The following SAXO2 variants were observed in gnomAD, a reference collection of about 807,000 sequenced individuals.
SAXO2 encodes the protein family with sequence similarity 154, member B.
SAXO2 carries 17 observed loss-of-function variants against 18.7 expected under a neutral mutation model. The ratio of observed to expected loss-of-function variants is 0.91; its 90% CI spans 0.62 to 1.36. The LOEUF (loss-of-function observed/expected upper bound fraction) is 1.36. Among genes scored for constraint, SAXO2 ranks in the 40% most tolerant of loss-of-function variants. The probability of loss-of-function intolerance (pLI) is 0.00; values close to 1 mark genes in which losing one functional copy is unlikely to be tolerated. For synonymous variants in SAXO2, 163 were observed against 181.2 expected, an observed-to-expected ratio of 0.90 and a Z score of 0.81; for missense variants, 486 against 562.6, an observed-to-expected ratio of 0.86 and a Z score of 1.38.
intron 3 of SAXO2, among the ~76,000 whole-genome samples, chr15:82,275,077 G>T (rs1567092318): frequency 6.6e-6 from 1 of 151,638 alleles, no homozygotes; most frequent in Non-Finnish European, 1.5e-5. Context: ...AATCACAAAA[G>T]TGACATCACA....
At chr15:82,265,488 T>G in intron 1 of SAXO2, 81 bp from the exon 2 acceptor site, 1 of 1,068,098 alleles carries the variant, frequency 9.4e-7, no homozygotes, top group South Asian at 2.9e-5. Context: ...AAATTGTGAG[T>G]TTATTAGAGG....
chr15:82,271,191 G>T (rs1318683270), intron 2 of SAXO2, among the ~76,000 whole-genome samples: 4 of 152,208 alleles, frequency 2.6e-5, no homozygotes, highest in African/African-American at 4.8e-5. Flanking sequence ...GCTGGAGACT[G>T]TAAGTAAGAT....
At chr15:82,273,116 G>A (rs2075287024) in intron 3 of SAXO2, among the ~76,000 whole-genome samples, 1 of 152,042 alleles carries the variant, frequency 6.6e-6, no homozygotes, top group African/African-American at 2.4e-5. Context: ...ATGTTGGCCA[G>A]GCTGGTCTCA....
intron 2 of SAXO2, 57 bp from the exon 3 acceptor site, chr15:82,271,546 G>T: frequency 1.4e-6 from 2 of 1,393,516 alleles, no homozygotes; most frequent in Non-Finnish European, 9.7e-7. Flanking sequence ...ATACTTCATT[G>T]AAATAATTAG....
intron 3 of SAXO2, among the ~76,000 whole-genome samples, chr15:82,272,735 G>C (rs2075283795): frequency 6.6e-6 from 1 of 151,910 alleles, no homozygotes; most frequent in South Asian, 2.1e-4. Context: ...TAGAGATGGG[G>C]TTTCACCATG....
chr15:82,264,975 A>G, intron 1 of SAXO2: 1 of 534,894 alleles, frequency 1.9e-6, no homozygotes, highest in Non-Finnish European at 3.3e-6. Flanking sequence ...ACCTTTCTGC[A>G]AGAGCATGGG....
intron 3 of SAXO2, among the ~76,000 whole-genome samples, chr15:82,281,041 C>A (rs1403330144): frequency 5.3e-5 from 8 of 152,158 alleles, no homozygotes; most frequent in Non-Finnish European, 1.2e-4. Context: ...TTTGACCTTT[C>A]CTGTAAATAT....
chr15:82,270,652 C>A (rs753703726), intron 2 of SAXO2, among the ~76,000 whole-genome samples: 1 of 152,086 alleles, frequency 6.6e-6, no homozygotes, highest in African/African-American at 2.4e-5. Flanking sequence ...AGTCACGTGT[C>A]AATAGAGTCC....
intron 2 of SAXO2, among the ~76,000 whole-genome samples, chr15:82,271,047 G>T (rs895090203): frequency 3.9e-5 from 6 of 152,202 alleles, no homozygotes; most frequent in African/African-American, 1.2e-4. Flanking sequence ...ACTTCTGGGA[G>T]ATCCAAAGAT....
chr15:82,281,759 C>T (rs974556880), intron 3 of SAXO2, among the ~76,000 whole-genome samples: 3 of 151,528 alleles, frequency 2.0e-5, no homozygotes, highest in Non-Finnish European at 2.9e-5. Context: ...ATCCCAACCT[C>T]TTCCTAGGAA....
At position 82,282,414 on chromosome 15, in the gene SAXO2, T is replaced by A; in HGVS notation, c.729T>A (p.Thr243=). The change falls in exon 4 of 4, where the codon ACT becomes ACA. Residue 243 remains threonine, a synonymous_variant. Coordinates refer to ENST00000682753, the MANE Select transcript of SAXO2 (RefSeq NM_001348699.2). ...ACCAACGCTTTGAGGATCTCACAAC[T>A]CACCGGTGTGACTTTCAGGGTCTCA... The part of the protein sequence containing the change: ...PTDQRFEDLT[T]HRCDFQGLIG... The A allele has an allele frequency of 6.2e-7, 1 of 1,614,128 alleles. No individual in the cohort carries two copies.
chr15:82,265,770 GC>G, intron 2 of SAXO2, 22 bp downstream of exon 2: 1 of 1,493,586 alleles, frequency 6.7e-7, no homozygotes, highest in Non-Finnish European at 8.9e-7. Context: ...GTAACTATTT[GC>G]TTTACTTATT....
At chr15:82,279,792 T>G (rs2075347441) in intron 3 of SAXO2, among the ~76,000 whole-genome samples, 2 of 152,208 alleles carry the variant, frequency 1.3e-5, no homozygotes, top group Non-Finnish European at 2.9e-5. Flanking sequence ...AAGACTTTTG[T>G]CCTCAAAGAA....
chr15:82,273,898 TG>T (rs2075293242), intron 3 of SAXO2, among the ~76,000 whole-genome samples: 1 of 151,880 alleles, frequency 6.6e-6, no homozygotes. Context: ...CCACCACGCC[TG>T]GCTAATTTTT....
Position 82,273,901 on chromosome 15 carries a change from C to A in SAXO2, c.433+2099C>A, listed in dbSNP as rs143587934. ...TACAGGTGTGCGCCACCACGCCTGG[C>A]TAATTTTTGTATTTTTGGTAGAGAC... On this transcript the variant is annotated intron_variant, in intron 3 of 3. Coordinates refer to ENST00000682753, the MANE Select transcript of SAXO2 (RefSeq NM_001348699.2). Among the ~76,000 whole-genome samples, 249 of 152,000 alleles carry A rather than the reference C, an allele frequency of 1.6e-3. 1 individual carries two copies. The highest frequency in any genetic ancestry group is 5.8e-3 in the African/African-American group (240 of 41,514).
chr15:82,277,214 G>T (rs1236438176), intron 3 of SAXO2, among the ~76,000 whole-genome samples: 1 of 152,074 alleles, frequency 6.6e-6, no homozygotes, highest in Non-Finnish European at 1.5e-5. Context: ...AAGAAATAAG[G>T]GGTATGGGAA....
chr15:82,268,465 C>A (rs528329677), intron 2 of SAXO2, among the ~76,000 whole-genome samples: 1 of 152,352 alleles, frequency 6.6e-6, no homozygotes, highest in Non-Finnish European at 1.5e-5. Flanking sequence ...CATCTCTTCA[C>A]TTAGTAAGAC....
chr15:82,279,556 T>C (rs2075344668), intron 3 of SAXO2, among the ~76,000 whole-genome samples: 1 of 152,134 alleles, frequency 6.6e-6, no homozygotes, highest in Admixed American at 6.5e-5. Context: ...AATATGTGGG[T>C]TGGTGTTTGA....
In SAXO2 at chr15:82,282,513, T is replaced by G. The variant is rs1222550742; in HGVS notation, c.828T>G (p.Thr276=). The stretch of plus-strand genomic sequence containing the variant: ...AGAATGCTCTGTTTGAAGGAAGCAC[T>G]GAATTCCGTGAAAGTTTTCAACCAT... ...VTQNALFEGS[T]EFRESFQPWE... The change falls in exon 4 of 4, where the codon ACT becomes ACG. Residue 276 remains threonine (T), a synonymous_variant. Coordinates refer to ENST00000682753, the MANE Select transcript of SAXO2 (RefSeq NM_001348699.2). 1 of 1,614,144 alleles carries G rather than the reference T, an allele frequency of 6.2e-7. No individual in the cohort carries two copies. Among genetic ancestry groups the G allele is most frequent in the South Asian group, 1.1e-5 (1 of 91,068 alleles).
Sources: allele counts gnomAD v4.1 joint callset (sites outside exome capture counted in the v4.1 genomes callset), GRCh38; gene constraint gnomAD v4.1.1; transcripts MANE v1.5; gene names NCBI Gene and HGNC (gene_info 2026-07-23, HGNC 2026-07-21).